DSCAM: variants seen among roughly 807,000 people sequenced by gnomAD.
DSCAM encodes DS cell adhesion molecule.
In DSCAM, 47 loss-of-function variants were observed where a neutral mutation model predicts 217.7. The observed-to-expected ratio is 0.22, with a 90% confidence interval of 0.17 to 0.28. The LOEUF (loss-of-function observed/expected upper bound fraction) is 0.28, where lower values mean the gene tolerates loss of function less well. DSCAM is among the 10% of genes least tolerant of loss of function. The probability of loss-of-function intolerance (pLI) is 1.00; values close to 1 mark genes in which losing one functional copy is unlikely to be tolerated. For synonymous variants in DSCAM, 1,056 were observed against 1,015.3 expected (o/e 1.04, Z -0.76); for missense variants, 2,080 against 2,618.3 (o/e 0.79, Z 4.49).
At chr21:40,397,476 C>T (rs993001968) in intron 3 of DSCAM, among the ~76,000 whole-genome samples, 1 of 152,280 alleles carries the variant, frequency 6.6e-6, no homozygotes. Flanking sequence ...TTCCTGAGGC[C>T]TCCCAGAAGC....
At chr21:40,303,284 T>C (rs545806508) in intron 9 of DSCAM, among the ~76,000 whole-genome samples, 1 of 152,254 alleles carries the variant, frequency 6.6e-6, no homozygotes, top group African/African-American at 2.4e-5. Context: ...AGGAGGCACC[T>C]TGGGCCTCTT....
At chr21:40,533,604 T>TCCAA (rs2076470059) in intron 3 of DSCAM, among the ~76,000 whole-genome samples, 1 of 142,818 alleles carries the variant, frequency 7.0e-6, no homozygotes, top group Non-Finnish European at 1.5e-5. Context: ...CACCTGTCTG[T>TCCAA]CCATCCATCC....
intron 3 of DSCAM, among the ~76,000 whole-genome samples, chr21:40,460,142 G>A (rs1194802156): frequency 6.6e-6 from 1 of 152,128 alleles, no homozygotes; most frequent in Admixed American, 6.6e-5. Context: ...ATTGGGGAAA[G>A]GAGAGCATCA....
intron 1 of DSCAM, among the ~76,000 whole-genome samples, chr21:40,761,076 T>C (rs750239823): frequency 2.0e-5 from 3 of 152,218 alleles, no homozygotes; most frequent in East Asian, 1.9e-4. Context: ...CAATTCCTTA[T>C]GGAAAGAGTC....
intron 3 of DSCAM, among the ~76,000 whole-genome samples, chr21:40,504,677 G>T (rs2076196591): frequency 6.6e-6 from 1 of 152,150 alleles, no homozygotes; most frequent in African/African-American, 2.4e-5. Context: ...AACTTCTGGG[G>T]CCGCTATCCA....
chr21:40,422,467 T>TG (rs1555916362), intron 3 of DSCAM, among the ~76,000 whole-genome samples: 1 of 111,656 alleles, frequency 9.0e-6, no homozygotes, highest in Non-Finnish European at 2.1e-5. Context: ...CCATCTCTAC[T>TG]AAAAAAAAAT....
chr21:40,260,298 T>C (rs569317106), intron 11 of DSCAM, among the ~76,000 whole-genome samples: 16 of 152,148 alleles, frequency 1.1e-4, no homozygotes, highest in Admixed American at 4.6e-4. Flanking sequence ...ATCAATTGGC[T>C]TAAGGGTGTG....
At chr21:40,347,120 GA>G (rs371422365) in intron 6 of DSCAM, among the ~76,000 whole-genome samples, 139 of 152,204 alleles carry the variant, frequency 9.1e-4, no homozygotes, top group African/African-American at 3.1e-3. Flanking sequence ...CCAACATGGA[GA>G]AACCCCATCT....
chr21:40,636,857 C>G (rs764881159), intron 3 of DSCAM, among the ~76,000 whole-genome samples: 2 of 149,604 alleles, frequency 1.3e-5, no homozygotes, highest in Non-Finnish European at 3.0e-5. Context: ...TCAGTGTTCC[C>G]GGATCAGAGA....
chr21:40,789,095 C>A (rs1178640980), intron 1 of DSCAM, among the ~76,000 whole-genome samples: 1 of 152,054 alleles, frequency 6.6e-6, no homozygotes, highest in East Asian at 1.9e-4. Flanking sequence ...GCTACAAACG[C>A]TTCATCTTAT....
intron 28 of DSCAM, among the ~76,000 whole-genome samples, chr21:40,057,780 C>A (rs981111671): frequency 6.6e-6 from 1 of 151,886 alleles, no homozygotes; most frequent in Admixed American, 6.6e-5. Context: ...GCCCAACAAG[C>A]CTTGAGATTC....
intron 3 of DSCAM, among the ~76,000 whole-genome samples, chr21:40,550,429 G>T (rs754678869): frequency 6.6e-5 from 10 of 152,122 alleles, no homozygotes; most frequent in Non-Finnish European, 1.5e-4. Context: ...GGAGGCTGAG[G>T]CAGGAGAATC....
At chr21:40,181,003 G>A (rs2090793811) in intron 14 of DSCAM, among the ~76,000 whole-genome samples, 1 of 152,054 alleles carries the variant, frequency 6.6e-6, no homozygotes, top group African/African-American at 2.4e-5. Context: ...CTCTGATGCT[G>A]CGTTTGCACC....
At chr21:40,542,993 C>T (rs772739119) in intron 3 of DSCAM, among the ~76,000 whole-genome samples, 1 of 152,070 alleles carries the variant, frequency 6.6e-6, no homozygotes, top group Non-Finnish European at 1.5e-5. Context: ...GTGGCATTTC[C>T]CTGAAGACAA....
chr21:40,189,183 T>C lies in DSCAM; in HGVS notation c.2412A>G (p.Lys804=). 6.2e-7 allele frequency: 1 copy of C among 1,613,182 alleles called. No individual in the cohort carries two copies. Among genetic ancestry groups the C allele is most frequent in the Non-Finnish European group, 8.5e-7 (1 of 1,179,792 alleles). The part of the protein sequence containing the change: ...PNTTLATQGQ[K]KEMSCTAHGE... ...CATGCGCCGTGCAGCTCATCTCCTT[T>C]TTCTGCCCCTGCGTGGCCAGGGTAG... is the stretch of plus-strand genomic sequence containing the variant. Residue 804 remains lysine, a synonymous_variant, in exon 12 of 33, where the codon AAA becomes AAG. Transcript: ENST00000400454.
intron 3 of DSCAM, among the ~76,000 whole-genome samples, chr21:40,432,043 A>C (rs948209306): frequency 5.3e-5 from 8 of 152,076 alleles, no homozygotes; most frequent in Non-Finnish European, 1.0e-4. Context: ...CTATTAAAAA[A>C]TACAAAAAAA....
intron 15 of DSCAM, among the ~76,000 whole-genome samples, chr21:40,176,351 T>G (rs1165619058): frequency 6.6e-6 from 1 of 151,954 alleles, no homozygotes; most frequent in Non-Finnish European, 1.5e-5. Flanking sequence ...TGCCCAAGAC[T>G]TGGGTACTAG....
intron 20 of DSCAM, among the ~76,000 whole-genome samples, chr21:40,094,203 C>G (rs2089648381): frequency 6.6e-6 from 1 of 152,110 alleles, no homozygotes; most frequent in African/African-American, 2.4e-5. Flanking sequence ...CACACACCAT[C>G]CATAAAACAA....
intron 3 of DSCAM, among the ~76,000 whole-genome samples, chr21:40,390,223 A>G (rs2075121638): frequency 6.6e-6 from 1 of 152,230 alleles, no homozygotes; most frequent in South Asian, 2.1e-4. Context: ...TTAGTATTCA[A>G]TCAAAAACTA....
Sources: gnomAD v4.1 joint callset for allele counts (sites outside exome capture counted in the v4.1 genomes callset) on GRCh38, gnomAD v4.1.1 for gene constraint, MANE v1.5 for transcripts, NCBI Gene and HGNC (gene_info 2026-07-23, HGNC 2026-07-21) for gene names.